ZNF486: variants seen among roughly 807,000 people sequenced by gnomAD.
ZNF486 encodes the protein KRAB box only protein 2.
Under a neutral mutation model 12.8 loss-of-function variants are expected in ZNF486, and 12 were observed. That is an observed-to-expected ratio of 0.94 (90% CI 0.60 to 1.52). ZNF486 has a LOEUF of 1.52. Ranked by LOEUF, ZNF486 falls within the 40% of genes most tolerant of loss-of-function variation. The pLI is 0.00. For missense variants in ZNF486, 738 were observed against 545.0 expected, an observed-to-expected ratio of 1.35 and a Z score of -3.53; for synonymous variants, 231 against 184.9, an observed-to-expected ratio of 1.25 and a Z score of -2.02.
chr19:20,194,589 A>G (rs2089939204), intron 3 of ZNF486, among the ~76,000 whole-genome samples: 1 of 152,140 alleles, frequency 6.6e-6, no homozygotes, highest in South Asian at 2.1e-4. Flanking sequence ...GTAGCCAGGC[A>G]TGGTGGCGCA....
rs557636122 is a variant in ZNF486 at position 20,198,016 on chromosome 19, T to G, written c.1306T>G (p.Cys436Gly). 1.2e-6 allele frequency: 2 copies of G among 1,613,266 alleles called. No individual in the cohort carries two copies. The highest frequency in any genetic ancestry group is 2.2e-5 in the South Asian group (2 of 90,974). The part of the protein sequence containing the change: ...TTHTGEKPYK[C>G]KECGKAFNWS... ...TCATACTGGAGAGAAACCTTACAAATGTAAAGAATGTGGCAAAGCTTTTAA... is the reference window on the plus strand; with the variant it reads ...TCATACTGGAGAGAAACCTTACAAAGGTAAAGAATGTGGCAAAGCTTTTAA... Residue 436 changes from cysteine (C) to glycine (G), a missense_variant, in exon 4 of 4, where the codon TGT becomes GGT. Cys to Gly is a radical substitution (Grantham distance 159). Transcript: ENST00000335117.
chr19:20,187,024 C>T (rs1259834389), intron 3 of ZNF486, among the ~76,000 whole-genome samples: 2 of 151,884 alleles, frequency 1.3e-5, no homozygotes, highest in African/African-American at 4.8e-5. Context: ...ACCTTGTGAT[C>T]CACCCACCTC....
intron 3 of ZNF486, among the ~76,000 whole-genome samples, chr19:20,193,974 T>G (rs1454643689): frequency 6.6e-6 from 1 of 152,206 alleles, no homozygotes; most frequent in Non-Finnish European, 1.5e-5. Context: ...TATACTGAAA[T>G]TCTTCATCAT....
Position 20,195,817 on chromosome 19 carries a change from CA to C in ZNF486, c.254-1146del, listed in dbSNP as rs530083231. 3.3e-3 allele frequency among the ~76,000 whole-genome samples: 505 copies of C among 152,316 alleles called. 1 individual carries two copies. The highest frequency in any genetic ancestry group is 5.6e-3 in the Non-Finnish European group (378 of 68,026). The stretch of plus-strand genomic sequence containing the variant: ...ACCTGCTACACCCATTCCCTGTTTG[CA>C]GTTTCTCTGCTTCTCTATAATTTAC... On this transcript the variant is annotated intron_variant, in intron 3 of 3. Transcript: ENST00000335117.
intron 3 of ZNF486, chr19:20,188,465 C>G (rs1392495700): frequency 5.0e-6 from 2 of 398,348 alleles, no homozygotes; most frequent in African/African-American, 4.1e-5. Flanking sequence ...AGGAGGATCC[C>G]TGGAGCCCAA....
chr19:20,188,677 G>T (rs1192767634), intron 3 of ZNF486: 6 of 385,108 alleles, frequency 1.6e-5, no homozygotes, highest in African/African-American at 1.0e-4. Context: ...TTCATTTCAG[G>T]CATGTTAAGT....
At chr19:20,177,778 G>A (rs1370365669) in intron 1 of ZNF486, among the ~76,000 whole-genome samples, 1 of 152,112 alleles carries the variant, frequency 6.6e-6, no homozygotes, top group Non-Finnish European at 1.5e-5. Flanking sequence ...GTTTGTCAGT[G>A]TTGGCCAGGC....
At chr19:20,170,880 C>A (rs2089640978) in intron 1 of ZNF486, among the ~76,000 whole-genome samples, 1 of 152,092 alleles carries the variant, frequency 6.6e-6, no homozygotes, top group Admixed American at 6.5e-5. Context: ...ATATATTAAA[C>A]CGGTAAACAT....
At position 20,180,381 on chromosome 19, in the gene ZNF486, A is replaced by G. The variant is rs28868340; in HGVS notation, c.31-3975A>G. ...ATATGGCCATTAAAAAAATACGTGA[A>G]GCAGTCATGGTTCCTACAGTCCAGA... On this transcript the variant is annotated intron_variant, in intron 1 of 3. Transcript: ENST00000335117. 2.0e-3 allele frequency among the ~76,000 whole-genome samples: 298 copies of G among 152,224 alleles called. 2 individuals carry two copies. The highest frequency in any genetic ancestry group is 6.9e-3 in the African/African-American group (288 of 41,538).
At chr19:20,191,455 A>G (rs1272426435) in intron 3 of ZNF486, among the ~76,000 whole-genome samples, 6 of 96,862 alleles carry the variant, frequency 6.2e-5, no homozygotes, top group Admixed American at 1.2e-4. Context: ...CGACAGCGAG[A>G]TTCCTTCAAA....
rs1369442281 is a variant in ZNF486 at position 20,197,927 on chromosome 19, A to G, written c.1217A>G (p.Tyr406Cys). The G allele has an allele frequency of 6.2e-7, 1 of 1,613,850 alleles. No individual in the cohort carries two copies. The highest frequency in any genetic ancestry group is 8.5e-7 in the Non-Finnish European group (1 of 1,179,802). ...AGAACTCATACTGGAGAGAAACCCT[A>G]CAAATGTGAAGAATGTGGCAAAGCG... ...HRRTHTGEKP[Y>C]KCEECGKAYT... The change falls in exon 4 of 4, where the codon TAC becomes TGC. Residue 406 changes from tyrosine to cysteine, a missense_variant. Coordinates refer to ENST00000335117, the MANE Select transcript of ZNF486 (RefSeq NM_052852.4).
intron 3 of ZNF486, among the ~76,000 whole-genome samples, chr19:20,187,758 C>T (rs2089865117): frequency 6.6e-6 from 1 of 152,072 alleles, no homozygotes; most frequent in Non-Finnish European, 1.5e-5. Context: ...CCGCCTCGGC[C>T]TCCCAAAGTG....
intron 3 of ZNF486, among the ~76,000 whole-genome samples, chr19:20,194,036 T>C (rs2089932862): frequency 6.6e-6 from 1 of 152,020 alleles, no homozygotes; most frequent in Admixed American, 6.5e-5. Flanking sequence ...TTTTTTATGT[T>C]GTATATTTAT....
At chr19:20,191,165 A>G (rs12463184) in intron 3 of ZNF486, among the ~76,000 whole-genome samples, 31,791 of 152,038 alleles carry the variant, frequency 0.21, 3,908 homozygotes, top group East Asian at 0.48. Flanking sequence ...CACATAAATT[A>G]TTTTTCTTTA....
intron 3 of ZNF486, 82 bp from the exon 4 acceptor site, chr19:20,196,882 T>C (rs1162392908): frequency 1.4e-6 from 2 of 1,451,506 alleles, no homozygotes; most frequent in Non-Finnish European, 1.8e-6. Context: ...ATGTAGTTTG[T>C]ATAATTTTAT....
At chr19:20,183,826 A>G (rs1337346483) in intron 1 of ZNF486, among the ~76,000 whole-genome samples, 1 of 152,204 alleles carries the variant, frequency 6.6e-6, no homozygotes, top group Non-Finnish European at 1.5e-5. Context: ...TCTGAAAAAA[A>G]CACAGGCTCT....
At position 20,194,923 on chromosome 19, in the gene ZNF486, T is replaced by A. The variant is rs1047783300; in HGVS notation, c.254-2041T>A. On this transcript the variant is annotated intron_variant, in intron 3 of 3. Transcript: ENST00000335117. ...TTTCATGTTTACATCATATTTTCTT[T>A]TAATAAATTTTTCAGTTTTTTATAT... Among the ~76,000 whole-genome samples, 8 of 152,270 alleles carry A rather than the reference T, an allele frequency of 5.3e-5. 2 individuals are homozygous for A.
At chr19:20,175,859 A>G (rs1448116316) in intron 1 of ZNF486, among the ~76,000 whole-genome samples, 6 of 152,166 alleles carry the variant, frequency 3.9e-5, no homozygotes, top group Admixed American at 2.0e-4. Flanking sequence ...CACCTCCCAG[A>G]TGGGGTGGTG....
At chr19:20,170,253 G>A (rs1346845441) in intron 1 of ZNF486, among the ~76,000 whole-genome samples, 1 of 151,938 alleles carries the variant, frequency 6.6e-6, no homozygotes. Flanking sequence ...GGAGCCTGAG[G>A]GAGGGAGATA....
Sources: gnomAD v4.1 joint callset for allele counts (sites outside exome capture counted in the v4.1 genomes callset) on GRCh38, gnomAD v4.1.1 for gene constraint, MANE v1.5 for transcripts, NCBI Gene and HGNC (gene_info 2026-07-23, HGNC 2026-07-21) for gene names.